NRG1: variants seen among roughly 807,000 people sequenced by gnomAD.
The protein encoded by NRG1 is pro-neuregulin-1, membrane-bound isoform.
A neutral mutation model predicts 63.8 loss-of-function variants in NRG1; 18 were observed. That is an observed-to-expected ratio of 0.28 (90% CI 0.19 to 0.42). NRG1 has a LOEUF of 0.42. Among genes scored for constraint, NRG1 ranks in the 10% least tolerant of loss-of-function variants. NRG1 has a pLI of 1.00. For missense variants in NRG1, 762 were observed against 814.7 expected (o/e 0.94, Z 0.79); for synonymous variants, 302 against 301.3 (o/e 1.00, Z -0.02).
At chr8:32,413,914 T>G (rs549299201) in intron 1 of NRG1, among the ~76,000 whole-genome samples, 2 of 150,532 alleles carry the variant, frequency 1.3e-5, no homozygotes, top group African/African-American at 4.9e-5. Flanking sequence ...GTTGGAAGAG[T>G]TTTTCTTCTA....
intron 1 of NRG1, among the ~76,000 whole-genome samples, chr8:32,420,524 T>G (rs1184834140): frequency 6.6e-6 from 1 of 150,534 alleles, no homozygotes; most frequent in Admixed American, 6.6e-5. Context: ...CACCCTCATC[T>G]CTCTCTCTCT....
chr8:31,919,628 G>A (rs898564928), intron 1 of NRG1, among the ~76,000 whole-genome samples: 2 of 151,932 alleles, frequency 1.3e-5, no homozygotes, highest in African/African-American at 4.8e-5. Flanking sequence ...GATAACACAG[G>A]GATGACTGAG....
chr8:32,082,007 A>G (rs1297732489), intron 1 of NRG1, among the ~76,000 whole-genome samples: 2 of 152,122 alleles, frequency 1.3e-5, no homozygotes, highest in East Asian at 3.9e-4. Context: ...CAAAGGACAC[A>G]GTATTGCTGG....
chr8:32,549,533 T>G (rs778108868), intron 1 of NRG1, among the ~76,000 whole-genome samples: 57 of 152,198 alleles, frequency 3.7e-4, no homozygotes, highest in Non-Finnish European at 7.1e-4. Context: ...ACAGTTCTAT[T>G]TTTCAAGACC....
chr8:31,731,389 T>G lies in NRG1; in HGVS notation c.37+91958T>G, dbSNP rs1472319739. ...TATAGGAAAATCCTTGAGGTAAAGT[T>G]TTAAAAGTAGGATACAAAATTATGT... On this transcript the variant is annotated intron_variant, in intron 1 of 10. Transcript: ENST00000519301. Among the ~76,000 whole-genome samples the G allele has an allele frequency of 2.0e-5, 3 of 150,032 alleles. No individual in the cohort carries two copies. The Admixed American group carries it at 2.0e-4, about 10-fold the overall frequency.
chr8:31,933,426 G>A (rs183702387), intron 1 of NRG1, among the ~76,000 whole-genome samples: 61 of 152,096 alleles, frequency 4.0e-4, no homozygotes, highest in African/African-American at 9.2e-4. Flanking sequence ...GATTACAGGC[G>A]TGTGCCACCA....
At chr8:32,194,254 T>C (rs1842762400) in intron 1 of NRG1, among the ~76,000 whole-genome samples, 1 of 152,190 alleles carries the variant, frequency 6.6e-6, no homozygotes, top group Non-Finnish European at 1.5e-5. Context: ...CTAGGTGTCC[T>C]CTAAATTAGG....
At chr8:32,003,078 T>C (rs1442468099) in intron 1 of NRG1, among the ~76,000 whole-genome samples, 1 of 152,096 alleles carries the variant, frequency 6.6e-6, no homozygotes, top group East Asian at 1.9e-4. Flanking sequence ...CTCTTCCTTT[T>C]AGACTTACAG....
intron 1 of NRG1, among the ~76,000 whole-genome samples, chr8:32,314,332 G>T (rs968310889): frequency 6.6e-6 from 1 of 152,200 alleles, no homozygotes; most frequent in African/African-American, 2.4e-5. Context: ...TACCACTAAA[G>T]TGGAAACATG....
intron 1 of NRG1, among the ~76,000 whole-genome samples, chr8:31,891,828 T>C (rs989088513): frequency 6.6e-6 from 1 of 152,158 alleles, no homozygotes; most frequent in African/African-American, 2.4e-5. Context: ...AGAACAGGCA[T>C]GCAATGGAAA....
intron 1 of NRG1, chr8:32,029,577 G>C (rs1216432805): frequency 2.0e-5 from 3 of 152,224 alleles, no homozygotes; most frequent in Non-Finnish European, 2.9e-5. Flanking sequence ...CTAGGCTGCT[G>C]TGATTGGCTG....
At chr8:32,412,386 T>G in intron 1 of NRG1, among the ~76,000 whole-genome samples, 1 of 126,776 alleles carries the variant, frequency 7.9e-6, no homozygotes, top group Non-Finnish European at 1.7e-5. Context: ...TTTCTCTTTC[T>G]TTCTCTCTCT....
chr8:32,582,976 GTGTA>G (rs1225576788), intron 1 of NRG1, among the ~76,000 whole-genome samples: 1 of 152,092 alleles, frequency 6.6e-6, no homozygotes, highest in Non-Finnish European at 1.5e-5. Flanking sequence ...ATAATGTTTA[GTGTA>G]TTCCTTTATA....
chr8:32,542,026 G>A (rs1474218276), intron 1 of NRG1, among the ~76,000 whole-genome samples: 2 of 152,088 alleles, frequency 1.3e-5, no homozygotes, highest in Non-Finnish European at 2.9e-5. Flanking sequence ...TAACAATGCA[G>A]TGTTTGCAGG....
intron 1 of NRG1, among the ~76,000 whole-genome samples, chr8:32,001,864 T>G (rs550013370): frequency 6.6e-6 from 1 of 152,042 alleles, no homozygotes; most frequent in Non-Finnish European, 1.5e-5. Flanking sequence ...CCTTGATCAC[T>G]GGGCTGAGGT....
intron 1 of NRG1, among the ~76,000 whole-genome samples, chr8:32,278,361 A>T (rs550050125): frequency 6.6e-5 from 10 of 152,304 alleles, no homozygotes; most frequent in Admixed American, 5.2e-4. Flanking sequence ...CAAAAAAAGG[A>T]TAAAAGTCTT....
intron 5 of NRG1, among the ~76,000 whole-genome samples, chr8:32,644,685 G>C (rs1853122830): frequency 6.6e-6 from 1 of 152,152 alleles, no homozygotes; most frequent in Non-Finnish European, 1.5e-5. Context: ...AAGAGTACTT[G>C]TGGCAGTCCA....
rs779413478 is a variant in NRG1 at position 32,754,406 on chromosome 8, C to A, written c.726C>A (p.Thr242=). The change falls in exon 8 of 12, where the codon ACC becomes ACA. Residue 242 remains threonine (T), a synonymous_variant. Coordinates refer to ENST00000356819, the Ensembl canonical transcript of NRG1. ...AGCTGTACCAGAAGAGAGTGCTGAC[C>A]ATAACCGGCATCTGCATCGCCCTCC... is the stretch of plus-strand genomic sequence containing the variant. 4 of 1,613,790 alleles carry A rather than the reference C, an allele frequency of 2.5e-6. No individual in the cohort carries two copies. The South Asian group carries it at 3.3e-5, about 13-fold the overall frequency.
intron 1 of NRG1, among the ~76,000 whole-genome samples, chr8:32,034,798 C>T (rs1021244396): frequency 4.0e-5 from 6 of 151,884 alleles, no homozygotes; most frequent in African/African-American, 1.5e-4. Context: ...GGTGATATCC[C>T]TTTATCATTT....
Sources: allele counts gnomAD v4.1 joint callset (sites outside exome capture counted in the v4.1 genomes callset), GRCh38; gene constraint gnomAD v4.1.1; transcripts MANE v1.5; gene names NCBI Gene and HGNC (gene_info 2026-07-23, HGNC 2026-07-21).